CCDC148: variants seen among roughly 807,000 people sequenced by gnomAD.
CCDC148 encodes coiled-coil domain containing 148, also known as coiled-coil domain-containing protein 148.
Under a neutral mutation model 85.7 loss-of-function variants are expected in CCDC148, and 89 were observed. The ratio of observed to expected loss-of-function variants is 1.04; its 90% CI spans 0.87 to 1.24. The LOEUF (loss-of-function observed/expected upper bound fraction) is 1.24, where lower values mean the gene tolerates loss of function less well. Among genes scored for constraint, CCDC148 ranks in the 50% most tolerant of loss-of-function variants. The pLI is 0.00. For missense variants in CCDC148, 692 were observed against 671.7 expected, an observed-to-expected ratio of 1.03 and a Z score of -0.33; for synonymous variants, 230 against 213.9, an observed-to-expected ratio of 1.08 and a Z score of -0.66.
rs1426655428 is a variant in CCDC148, at chr2:158,223,784, A to T, written c.1252-3071T>A. Among the ~76,000 whole-genome samples, 4 of 152,232 alleles carry T rather than the reference A, an allele frequency of 2.6e-5. No homozygotes were observed. In the East Asian group the frequency reaches 7.7e-4, roughly 29 times the overall value. ...GCTGACTGTTAGAAGGAAAACTAAC[A>T]AACAGAAAAGACATCCAAAGCAAAA... On this transcript the variant is annotated intron_variant, in intron 10 of 13. Transcript: ENST00000283233.
In CCDC148 at chr2:158,297,470, A is replaced by G. The variant is rs60245815; in HGVS notation, c.1110+11963T>C. 7.4e-3 allele frequency among the ~76,000 whole-genome samples: 1,121 copies of G among 152,232 alleles called. 19 individuals are homozygous for G. Among genetic ancestry groups the G allele is most frequent in the African/African-American group, 0.026 (1,069 of 41,538 alleles). On this transcript the variant is annotated intron_variant, in intron 9 of 13. Coordinates refer to ENST00000283233, the MANE Select transcript of CCDC148 (RefSeq NM_138803.4). ...ATCCAACATAGTGTGTGCCTGCAAGATCTATTTCAGCTTGGACCAGGAGAA... is the reference window on the plus strand; with the variant it reads ...ATCCAACATAGTGTGTGCCTGCAAGGTCTATTTCAGCTTGGACCAGGAGAA...
intron 11 of CCDC148, among the ~76,000 whole-genome samples, chr2:158,209,845 G>A (rs13007180): frequency 2.6e-5 from 4 of 151,220 alleles, no homozygotes; most frequent in African/African-American, 4.9e-5. Context: ...ACCGGTACCA[G>A]CCACTGCAAA....
In CCDC148 at chr2:158,413,189, A is replaced by C. The variant is rs1289193207; in HGVS notation, c.25+43226T>G. Among the ~76,000 whole-genome samples, 3 of 152,162 alleles carry C rather than the reference A, an allele frequency of 2.0e-5. No homozygotes were observed. The East Asian group carries it at 5.8e-4, about 29-fold the overall frequency. On this transcript the variant is annotated intron_variant, in intron 1 of 13. Coordinates refer to ENST00000283233, the MANE Select transcript of CCDC148 (RefSeq NM_138803.4). ...AGAAATTGTAAAGGAGTCTTAGCAT[A>C]AAAAGCAAAATGTTAAAAGAAGCAG...
At chr2:158,196,739 T>C (rs918115140) in intron 11 of CCDC148, among the ~76,000 whole-genome samples, 6 of 152,176 alleles carry the variant, frequency 3.9e-5, no homozygotes, top group Non-Finnish European at 8.8e-5. Context: ...GTCTACTTTT[T>C]CTCTGCTCAA....
chr2:158,324,816 C>T (rs1387061589), intron 7 of CCDC148, among the ~76,000 whole-genome samples: 2 of 152,026 alleles, frequency 1.3e-5, no homozygotes, highest in African/African-American at 2.4e-5. Flanking sequence ...TAGTCATTTG[C>T]ATTTAGAATT....
At chr2:158,394,893 TTATCTTATTA>T (rs1468944002) in intron 1 of CCDC148, among the ~76,000 whole-genome samples, 4 of 152,000 alleles carry the variant, frequency 2.6e-5, no homozygotes, top group African/African-American at 9.7e-5. Flanking sequence ...CTAAAATGAG[TTATCTTATTA>T]TAAAAAATTC....
chr2:158,176,269 T>A (rs1053119960), intron 13 of CCDC148, among the ~76,000 whole-genome samples: 8 of 152,004 alleles, frequency 5.3e-5, no homozygotes, highest in Non-Finnish European at 1.0e-4. Flanking sequence ...TAAAAAAATT[T>A]AAAAAATAAG....
chr2:158,329,541 G>A (rs547722489), intron 7 of CCDC148, among the ~76,000 whole-genome samples: 1 of 151,904 alleles, frequency 6.6e-6, no homozygotes, highest in African/African-American at 2.4e-5. Context: ...TTCCAATTCT[G>A]TGAAGAAAGT....
chr2:158,188,421 T>A, intron 11 of CCDC148, among the ~76,000 whole-genome samples: 1 of 149,968 alleles, frequency 6.7e-6, no homozygotes, highest in East Asian at 1.9e-4. Flanking sequence ...GATATTAGAA[T>A]ATTTTTTTTA....
At chr2:158,412,611 T>C (rs1457578997) in intron 1 of CCDC148, among the ~76,000 whole-genome samples, 1 of 152,112 alleles carries the variant, frequency 6.6e-6, no homozygotes, top group Non-Finnish European at 1.5e-5. Flanking sequence ...TATGGAAAAT[T>C]GCCAAAGTTA....
intron 7 of CCDC148, among the ~76,000 whole-genome samples, chr2:158,331,139 G>C (rs933647394): frequency 2.6e-5 from 4 of 151,958 alleles, no homozygotes; most frequent in African/African-American, 9.7e-5. Flanking sequence ...TTCTCTTGTG[G>C]GCATTTAGTG....
chr2:158,350,942 G>A (rs1056222665), intron 2 of CCDC148, among the ~76,000 whole-genome samples: 8 of 151,982 alleles, frequency 5.3e-5, no homozygotes, highest in African/African-American at 7.3e-5. Context: ...ATACCTCACT[G>A]TTACTCATCC....
intron 11 of CCDC148, among the ~76,000 whole-genome samples, chr2:158,185,157 A>G (rs888689827): frequency 6.6e-6 from 1 of 152,088 alleles, no homozygotes. Flanking sequence ...TTTCAACCCC[A>G]TTCTTTCCCA....
intron 9 of CCDC148, among the ~76,000 whole-genome samples, chr2:158,281,597 T>G (rs575967913): frequency 5.3e-5 from 8 of 152,268 alleles, no homozygotes; most frequent in African/African-American, 1.7e-4. Context: ...AATCTCTGAA[T>G]AGACCAATAA....
chr2:158,407,002 T>C (rs1425093975), intron 1 of CCDC148, among the ~76,000 whole-genome samples: 1 of 152,134 alleles, frequency 6.6e-6, no homozygotes, highest in African/African-American at 2.4e-5. Context: ...TTTCCTGAGC[T>C]TCTCTCTCCC....
chr2:158,353,697 G>C (rs1365325833), intron 2 of CCDC148, among the ~76,000 whole-genome samples: 2 of 152,092 alleles, frequency 1.3e-5, no homozygotes, highest in African/African-American at 4.8e-5. Flanking sequence ...GGACACCCAG[G>C]AATTGAACTC....
intron 1 of CCDC148, among the ~76,000 whole-genome samples, chr2:158,387,061 T>G (rs1047280604): frequency 6.6e-6 from 1 of 152,170 alleles, no homozygotes; most frequent in African/African-American, 2.4e-5. Flanking sequence ...AACCTTTCTT[T>G]GAATGTTTCC....
rs1574485150 is a variant in CCDC148 at position 158,250,834 on chromosome 2, C to T, written c.1189G>A (p.Glu397Lys). The change falls in exon 10 of 14, where the codon GAG becomes AAG. Residue 397 changes from glutamate (E) to lysine (K), a missense_variant. Coordinates refer to ENST00000283233, the MANE Select transcript of CCDC148 (RefSeq NM_138803.4). ...TTCTTCCACAGTTTCTCTTTCTCCTCTTCCTTTTCTCTTCTTCTGGCAGAA... is the reference window on the plus strand; with the variant it reads ...TTCTTCCACAGTTTCTCTTTCTCCTTTTCCTTTTCTCTTCTTCTGGCAGAA... Reference protein sequence around the residue: ...EISARRREKEEEKEKLWKKKE... With the variant: ...EISARRREKEKEKEKLWKKKE... The T allele has an allele frequency of 4.4e-6, 7 of 1,605,788 alleles. No homozygotes were observed. The East Asian group carries it at 1.6e-4, about 36-fold the overall frequency.
intron 1 of CCDC148, among the ~76,000 whole-genome samples, chr2:158,394,027 C>T (rs1244490293): frequency 1.3e-5 from 2 of 151,282 alleles, no homozygotes; most frequent in Non-Finnish European, 3.0e-5. Context: ...AGATCTCTTA[C>T]TCTTCAATAC....
Sources: gnomAD v4.1 joint callset for allele counts (sites outside exome capture counted in the v4.1 genomes callset) on GRCh38, gnomAD v4.1.1 for gene constraint, MANE v1.5 for transcripts, NCBI Gene and HGNC (gene_info 2026-07-23, HGNC 2026-07-21) for gene names.